The following SEMA5B variants were observed in gnomAD, a reference collection of about 807,000 sequenced individuals.
The protein encoded by SEMA5B is semaphorin 5B, also known as semaphorin-5B.
SEMA5B carries 66 observed loss-of-function variants against 135.0 expected under a neutral mutation model. The observed-to-expected ratio is 0.49, with a 90% CI of 0.40 to 0.60. The LOEUF is 0.60. SEMA5B is among the 20% of genes least tolerant of loss of function. The pLI is 0.00. For synonymous variants in SEMA5B, 690 were observed against 639.5 expected, an observed-to-expected ratio of 1.08 and a Z score of -1.19; for missense variants, 1,501 against 1,566.3, an observed-to-expected ratio of 0.96 and a Z score of 0.70.
intron 1 of SEMA5B, among the ~76,000 whole-genome samples, chr3:123,023,249 T>G (rs1942729850): frequency 6.6e-6 from 1 of 151,888 alleles, no homozygotes; most frequent in African/African-American, 2.4e-5. Context: ...TAAGGCCAAC[T>G]TAGTGATAGG....
chr3:122,943,388 G>A lies in SEMA5B; in HGVS notation c.428+48C>T. On this transcript the variant is annotated intron_variant, in intron 4 of 22. Coordinates refer to ENST00000357599, the MANE Select transcript of SEMA5B (RefSeq NM_001031702.4). ...TCCTGAATAATATTCCCTCTACCCA[G>A]CTCCAAGCCCCTGCACTTCCCACCC... is the stretch of plus-strand genomic sequence containing the variant. The A allele has an allele frequency of 2.3e-6, 3 of 1,331,948 alleles. 1 individual carries two copies. Among genetic ancestry groups the A allele is most frequent in the Middle Eastern group, 3.6e-4 (2 of 5,568 alleles). 82.5% of individuals were successfully genotyped at this position (1,331,948 alleles called of 1,614,324 possible). A position where few individuals can be genotyped will look rare whatever the true frequency, so the allele number is the denominator to read the frequency against.
chr3:122,934,208 A>C lies in SEMA5B; in HGVS notation c.475-5150T>G, dbSNP rs537235762. ...AGGCGTGAGCCACCGTGCCCGGCCC[A>C]AAAATTTTGTTTTTATAGAAGTAGC... On this transcript the variant is annotated intron_variant, in intron 5 of 22. Coordinates refer to ENST00000357599, the MANE Select transcript of SEMA5B (RefSeq NM_001031702.4). 6.7e-4 allele frequency among the ~76,000 whole-genome samples: 102 copies of C among 151,934 alleles called. 1 individual carries two copies. The South Asian group carries it at 0.013, about 19-fold the overall frequency.
intron 2 of SEMA5B, among the ~76,000 whole-genome samples, chr3:122,957,256 G>A (rs191054673): frequency 6.6e-6 from 1 of 152,352 alleles, no homozygotes; most frequent in Admixed American, 6.5e-5. Context: ...GATTAGAGCA[G>A]GCCATTTGTC....
At chr3:123,003,300 C>A (rs1942227542) in intron 1 of SEMA5B, among the ~76,000 whole-genome samples, 1 of 152,190 alleles carries the variant, frequency 6.6e-6, no homozygotes, top group Non-Finnish European at 1.5e-5. Context: ...CTTCCCCTTG[C>A]ACCCACACAC....
chr3:122,922,479 G>T, intron 10 of SEMA5B, 32 bp from the exon 11 acceptor site: 1 of 1,547,314 alleles, frequency 6.5e-7, no homozygotes. Flanking sequence ...CGCGCGCCCC[G>T]GCCACCAGGG....
At chr3:122,920,120 C>T (rs148687240) in intron 12 of SEMA5B, among the ~76,000 whole-genome samples, 5 of 152,320 alleles carry the variant, frequency 3.3e-5, no homozygotes, top group East Asian at 3.9e-4. Flanking sequence ...TCACACAGCC[C>T]GTGACTGCAC....
At chr3:122,983,475 A>G (rs72972410) in intron 1 of SEMA5B, among the ~76,000 whole-genome samples, 5,949 of 151,984 alleles carry the variant, frequency 0.039, 326 homozygotes, top group African/African-American at 0.13. Flanking sequence ...GGTGGTAAAA[A>G]AAACCTATAA....
At chr3:122,914,422 A>G (rs990642674) in intron 14 of SEMA5B, among the ~76,000 whole-genome samples, 8 of 152,200 alleles carry the variant, frequency 5.3e-5, no homozygotes, top group Non-Finnish European at 1.0e-4. Context: ...GCTTTGCTCC[A>G]GCCTCAGACA....
At chr3:122,993,964 T>C (rs1941956773) in intron 1 of SEMA5B, among the ~76,000 whole-genome samples, 1 of 151,794 alleles carries the variant, frequency 6.6e-6, no homozygotes, top group Non-Finnish European at 1.5e-5. Context: ...AGCCCACCTG[T>C]CCCCACACCC....
At chr3:122,925,834 G>A (rs1206737804) in intron 9 of SEMA5B, among the ~76,000 whole-genome samples, 2 of 151,770 alleles carry the variant, frequency 1.3e-5, no homozygotes, top group Admixed American at 1.3e-4. Flanking sequence ...TCACCTGTTT[G>A]GGTTAGCCTC....
At chr3:122,917,202 C>A (rs575825890) in intron 12 of SEMA5B, among the ~76,000 whole-genome samples, 1 of 152,218 alleles carries the variant, frequency 6.6e-6, no homozygotes. Flanking sequence ...CCAGCTTCCA[C>A]CCCCTTCTGA....
At chr3:122,914,280 C>G (rs1032429245) in intron 14 of SEMA5B, among the ~76,000 whole-genome samples, 1 of 152,204 alleles carries the variant, frequency 6.6e-6, no homozygotes, top group Non-Finnish European at 1.5e-5. Flanking sequence ...TCACAAGGGC[C>G]AAAAGGGCAG....
At chr3:123,002,568 G>T (rs1288253188) in intron 1 of SEMA5B, among the ~76,000 whole-genome samples, 1 of 152,230 alleles carries the variant, frequency 6.6e-6, no homozygotes, top group Non-Finnish European at 1.5e-5. Context: ...TGTGAATCCT[G>T]AAGTGTTGTA....
At chr3:122,925,119 T>C (rs574469877) in intron 9 of SEMA5B, among the ~76,000 whole-genome samples, 3 of 152,250 alleles carry the variant, frequency 2.0e-5, no homozygotes, top group African/African-American at 7.2e-5. Context: ...GTCTTTCCTA[T>C]AGCTAGCCTG....
chr3:122,921,837 T>C, intron 12 of SEMA5B, 78 bp downstream of exon 12: 1 of 1,261,794 alleles, frequency 7.9e-7, no homozygotes. Context: ...CGACCCCAGG[T>C]CTCCCGGGTC....
At chr3:122,915,416 C>T in intron 14 of SEMA5B, 24 bp downstream of exon 14, 4 of 1,583,324 alleles carry the variant, frequency 2.5e-6, no homozygotes, top group East Asian at 2.2e-5. Flanking sequence ...AGGCAGACAC[C>T]ATGTAAACCC....
intron 1 of SEMA5B, among the ~76,000 whole-genome samples, chr3:122,966,536 TTTATTATTATTA>T (rs140866804): frequency 9.2e-5 from 13 of 141,534 alleles, no homozygotes; most frequent in Admixed American, 4.9e-4. Flanking sequence ...TGTAAGAATG[TTTATTATTATTA>T]TTATTATTAT....
rs762717460 is a variant in SEMA5B, at chr3:122,943,546, G to A, written c.329-11C>T. 32 of 1,585,670 alleles carry A rather than the reference G, an allele frequency of 2.0e-5. No individual in the cohort carries two copies. Among genetic ancestry groups the A allele is most frequent in the Non-Finnish European group, 2.6e-5 (30 of 1,161,016 alleles). Reference sequence around the variant, plus strand: ...CCCACGGCTGCAGGTCTGGTGGAGGGAGAGGCAACCCTGTGGTTACTGTTG... The same window carrying A: ...CCCACGGCTGCAGGTCTGGTGGAGGAAGAGGCAACCCTGTGGTTACTGTTG... On this transcript the variant is annotated splice_polypyrimidine_tract_variant and intron_variant, in intron 3 of 22. Transcript: ENST00000357599.
chr3:123,005,809 C>A (rs184794469), intron 1 of SEMA5B, among the ~76,000 whole-genome samples: 168 of 152,316 alleles, frequency 1.1e-3, no homozygotes, highest in Non-Finnish European at 2.0e-3. Context: ...GGACCCTCCT[C>A]CCAGGGGCCT....
Sources: allele counts gnomAD v4.1 joint callset (sites outside exome capture counted in the v4.1 genomes callset), GRCh38; gene constraint gnomAD v4.1.1; transcripts MANE v1.5; gene names NCBI Gene and HGNC (gene_info 2026-07-23, HGNC 2026-07-21).